The following CPA4 variants were observed in gnomAD, a reference collection of about 807,000 sequenced individuals.
The protein encoded by CPA4 is carboxypeptidase A3.
Under a neutral mutation model 54.7 loss-of-function variants are expected in CPA4, and 49 were observed. That is an observed-to-expected ratio of 0.90 (90% CI 0.71 to 1.14). CPA4 has a LOEUF of 1.14. CPA4 is among the 50% of genes most tolerant of loss of function. The probability of loss-of-function intolerance (pLI) is 0.00; values close to 1 mark genes in which losing one functional copy is unlikely to be tolerated. For missense variants in CPA4, 487 were observed against 525.1 expected, an observed-to-expected ratio of 0.93 and a Z score of 0.71; for synonymous variants, 215 against 206.8, an observed-to-expected ratio of 1.04 and a Z score of -0.34.
chr7:130,296,797 C>T (rs147756338), intron 1 of CPA4, among the ~76,000 whole-genome samples: 5,276 of 145,230 alleles, frequency 0.036, 124 homozygotes, highest in Middle Eastern at 0.08. Flanking sequence ...AAGCAATCCT[C>T]CTGCCTTAGC....
At chr7:130,317,634 T>C (rs1321050971) in intron 10 of CPA4, among the ~76,000 whole-genome samples, 1 of 152,110 alleles carries the variant, frequency 6.6e-6, no homozygotes, top group Non-Finnish European at 1.5e-5. Flanking sequence ...CAGCTAATTT[T>C]TGTATTTTTT....
Position 130,306,774 on chromosome 7 carries a change from TG to T in CPA4, c.592-12del. On this transcript the variant is annotated splice_polypyrimidine_tract_variant and intron_variant, in intron 6 of 10. Transcript: ENST00000222482. ...GCCATGGGATAGCTGACAAGCATAT[TG>T]TCTCTGCTTAGATTGTATCTGATTA... The T allele has an allele frequency of 6.9e-7, 1 of 1,448,382 alleles. No homozygotes were observed. Among genetic ancestry groups the T allele is most frequent in the Non-Finnish European group, 9.7e-7 (1 of 1,029,190 alleles). 89.7% of individuals were successfully genotyped at this position (1,448,382 alleles called of 1,614,324 possible).
chr7:130,301,004 A>C, intron 4 of CPA4, 90 bp downstream of exon 4: 1 of 805,174 alleles, frequency 1.2e-6, no homozygotes. Context: ...ATTAGTCTTC[A>C]GCACAATATC....
At chr7:130,303,315 T>C (rs1380454805) in intron 4 of CPA4, among the ~76,000 whole-genome samples, 3 of 152,248 alleles carry the variant, frequency 2.0e-5, no homozygotes, top group Non-Finnish European at 4.4e-5. Flanking sequence ...TTTCTTCACT[T>C]GCACTCACAA....
At chr7:130,313,196 G>A (rs1793939275) in intron 10 of CPA4, among the ~76,000 whole-genome samples, 1 of 152,126 alleles carries the variant, frequency 6.6e-6, no homozygotes, top group Non-Finnish European at 1.5e-5. Flanking sequence ...TTGGGTAGTA[G>A]TCTGTGAGAT....
At position 130,323,983 on chromosome 7, in the gene CPA4, T is replaced by A. The variant is rs1340146824; in HGVS notation, c.*1307T>A. ...TTTTGTATCCTGGACCACAAGTTCC[T>A]AAGTAGAGCAAGAATTCATCAACCA... On this transcript the variant is annotated 3_prime_UTR_variant, in exon 11 of 11. Transcript: ENST00000222482. 6.6e-6 allele frequency: 1 copy of A among 152,312 alleles called. No individual in the cohort carries two copies. The highest frequency in any genetic ancestry group is 6.6e-5 in the Admixed American group (1 of 15,220). 9.4% of individuals were successfully genotyped at this position (152,312 alleles called of 1,614,324 possible). A position where few individuals can be genotyped will look rare whatever the true frequency, so the allele number is the denominator to read the frequency against.
Position 130,306,780 on chromosome 7 carries a change from T to G in CPA4, c.592-7T>G. Reference sequence around the variant, plus strand: ...GGATAGCTGACAAGCATATTGTCTCTGCTTAGATTGTATCTGATTACCAGA... The same window carrying G: ...GGATAGCTGACAAGCATATTGTCTCGGCTTAGATTGTATCTGATTACCAGA... On this transcript the variant is annotated splice_region_variant and splice_polypyrimidine_tract_variant and intron_variant, in intron 6 of 10. Transcript: ENST00000222482. 6.5e-7 allele frequency: 1 copy of G among 1,527,962 alleles called. No individual in the cohort carries two copies. The highest frequency in any genetic ancestry group is 9.1e-7 in the Non-Finnish European group (1 of 1,101,724). 94.7% of individuals were successfully genotyped at this position (1,527,962 alleles called of 1,614,324 possible).
In CPA4 at chr7:130,293,248, G is replaced by A; in HGVS notation, c.68G>A (p.Gly23Glu). The part of the protein sequence containing the change: ...SSICGQEKFF[G>E]DQVLRINVRN... Reference sequence around the variant, plus strand: ...ATCTGTGGCCAAGAAAAATTTTTTGGGTAAGTTCCTTTTGGACTTATTATT... The same window carrying A: ...ATCTGTGGCCAAGAAAAATTTTTTGAGTAAGTTCCTTTTGGACTTATTATT... The change falls in exon 1 of 11, where the codon GGG becomes GAG. Residue 23 changes from glycine to glutamate, a missense_variant and splice_region_variant. Gly to Glu is a moderately conservative substitution (Grantham distance 98). Coordinates refer to ENST00000222482, the MANE Select transcript of CPA4 (RefSeq NM_016352.4). 1 of 1,586,714 alleles carries A rather than the reference G, an allele frequency of 6.3e-7. No individual in the cohort carries two copies. Among genetic ancestry groups the A allele is most frequent in the Non-Finnish European group, 8.7e-7 (1 of 1,155,518 alleles).
chr7:130,314,778 G>A (rs544050564), intron 10 of CPA4, among the ~76,000 whole-genome samples: 1 of 152,316 alleles, frequency 6.6e-6, no homozygotes, highest in East Asian at 1.9e-4. Flanking sequence ...TGTTCAGGAT[G>A]TATAATGGGA....
In CPA4 at chr7:130,305,883, G is replaced by A. The variant is rs2117143905; in HGVS notation, c.554G>A (p.Trp185Ter). ...AATGCAGGCATCCATTCCCGAGAGT[G>A]GATCTCCCAGGCCACTGCAATCTGG... is the stretch of plus-strand genomic sequence containing the variant. The part of the protein sequence containing the change: ...WLNAGIHSRE[W>*]ISQATAIWTA... Residue 185 changes from tryptophan to a stop codon, truncating the protein, a stop_gained, in exon 6 of 11, where the codon TGG (tryptophan) becomes TAG (stop). Coordinates refer to ENST00000222482, the MANE Select transcript of CPA4 (RefSeq NM_016352.4). LOFTEE classifies it high-confidence loss of function. 2 of 1,614,076 alleles carry A rather than the reference G, an allele frequency of 1.2e-6. No individual in the cohort carries two copies. Among genetic ancestry groups the A allele is most frequent in the East Asian group, 2.2e-5 (1 of 44,880 alleles).
chr7:130,299,190 G>A, intron 2 of CPA4, 80 bp from the exon 3 acceptor site: 3 of 1,428,376 alleles, frequency 2.1e-6, no homozygotes, highest in South Asian at 1.2e-5. Flanking sequence ...CTGGCTTTTG[G>A]CAGTGTTCTA....
chr7:130,315,687 C>G (rs1440705870), intron 10 of CPA4, among the ~76,000 whole-genome samples: 1 of 152,108 alleles, frequency 6.6e-6, no homozygotes, highest in African/African-American at 2.4e-5. Flanking sequence ...AGGTATTAGC[C>G]AGAACTAAAA....
intron 4 of CPA4, among the ~76,000 whole-genome samples, chr7:130,302,166 A>G (rs1365209986): frequency 1.3e-5 from 2 of 152,072 alleles, no homozygotes; most frequent in Non-Finnish European, 2.9e-5. Flanking sequence ...TCAGTCATAT[A>G]CAGTTCTTTC....
At chr7:130,302,548 G>A (rs545059405) in intron 4 of CPA4, among the ~76,000 whole-genome samples, 1 of 151,782 alleles carries the variant, frequency 6.6e-6, no homozygotes, top group South Asian at 2.1e-4. Context: ...GGCTTTCTTA[G>A]GTCTCTAGTG....
At chr7:130,304,448 T>A in intron 4 of CPA4, 30 bp from the exon 5 acceptor site, 1 of 1,308,760 alleles carries the variant, frequency 7.6e-7, no homozygotes, top group Non-Finnish European at 1.1e-6. Flanking sequence ...ATTTTTAAAA[T>A]GTCCCTGGAT....
intron 10 of CPA4, among the ~76,000 whole-genome samples, chr7:130,316,909 CAAAA>C (rs55938623): frequency 1.4e-4 from 17 of 124,748 alleles, no homozygotes; most frequent in African/African-American, 4.2e-4. Context: ...AACTCTGTCT[CAAAA>C]AAAAAAAAAA....
intron 1 of CPA4, among the ~76,000 whole-genome samples, chr7:130,296,840 C>T (rs73146789): frequency 0.21 from 31,347 of 151,316 alleles, 4,027 homozygotes; most frequent in East Asian, 0.37. Context: ...TTTAAAGATA[C>T]CCCCTCTTTG....
intron 1 of CPA4, among the ~76,000 whole-genome samples, chr7:130,295,744 C>T (rs1342272407): frequency 6.6e-6 from 1 of 152,184 alleles, no homozygotes; most frequent in Non-Finnish European, 1.5e-5. Flanking sequence ...CTTTGGGAGG[C>T]TGAGGCAGGT....
intron 10 of CPA4, among the ~76,000 whole-genome samples, chr7:130,313,195 A>G (rs1793939238): frequency 6.6e-6 from 1 of 152,124 alleles, no homozygotes; most frequent in Non-Finnish European, 1.5e-5. Context: ...TTTGGGTAGT[A>G]GTCTGTGAGA....
Sources: gnomAD v4.1 joint callset for allele counts (sites outside exome capture counted in the v4.1 genomes callset) on GRCh38, gnomAD v4.1.1 for gene constraint, MANE v1.5 for transcripts, NCBI Gene and HGNC (gene_info 2026-07-23, HGNC 2026-07-21) for gene names.